Variants in ZBTB7C observed in about 807,000 individuals in gnomAD.
ZBTB7C encodes the protein zinc finger and BTB domain containing 7C.
In ZBTB7C, 8 loss-of-function variants were observed where a neutral mutation model predicts 25.7. The ratio of observed to expected loss-of-function variants is 0.31; its 90% CI spans 0.18 to 0.56. The LOEUF (loss-of-function observed/expected upper bound fraction) is 0.56. Among genes scored for constraint, ZBTB7C ranks in the 20% least tolerant of loss-of-function variants. The probability of loss-of-function intolerance (pLI) is 0.91; values close to 1 mark genes in which losing one functional copy is unlikely to be tolerated. For missense variants in ZBTB7C, 824 were observed against 855.2 expected (o/e 0.96, Z 0.46); for synonymous variants, 394 against 369.0 (o/e 1.07, Z -0.78).
At chr18:48,177,118 C>T (rs534258132) in intron 3 of ZBTB7C, among the ~76,000 whole-genome samples, 1 of 152,242 alleles carries the variant, frequency 6.6e-6, no homozygotes, top group Admixed American at 6.5e-5. Flanking sequence ...GGGCACAGAG[C>T]TGAGAGCTGT....
At position 48,054,347 on chromosome 18, in the gene ZBTB7C, AC is replaced by A. The variant is rs1005195517; in HGVS notation, c.-16-13225del. 9.1e-4 allele frequency among the ~76,000 whole-genome samples: 138 copies of A among 151,892 alleles called. 4 individuals are homozygous for A. Among genetic ancestry groups the A allele is most frequent in the Admixed American group, 9.0e-3 (138 of 15,270 alleles). ...AAGCCGCTCTGCATTATTCACGGCC[AC>A]TCCCCTGCCCTTCTCTACCCCAGAC... On this transcript the variant is annotated intron_variant, in intron 3 of 4. Transcript: ENST00000590800.
chr18:48,291,573 G>A (rs927201767), intron 2 of ZBTB7C, among the ~76,000 whole-genome samples: 2 of 152,076 alleles, frequency 1.3e-5, no homozygotes, highest in African/African-American at 4.8e-5. Context: ...CCCAGGACTC[G>A]GTTGTTATGA....
chr18:48,171,135 CACTTA>C (rs1444221783), intron 3 of ZBTB7C, among the ~76,000 whole-genome samples: 2 of 152,258 alleles, frequency 1.3e-5, no homozygotes, highest in Non-Finnish European at 2.9e-5. Flanking sequence ...CACCAGGTCT[CACTTA>C]ACTCTTTCTC....
At chr18:48,088,734 G>A (rs890815290) in intron 3 of ZBTB7C, among the ~76,000 whole-genome samples, 2 of 152,162 alleles carry the variant, frequency 1.3e-5, no homozygotes, top group South Asian at 2.1e-4. Flanking sequence ...GGAGGCTGAG[G>A]CACGAGAATC....
intron 2 of ZBTB7C, among the ~76,000 whole-genome samples, chr18:48,238,660 T>C (rs541573885): frequency 5.1e-4 from 77 of 152,290 alleles, no homozygotes; most frequent in African/African-American, 1.8e-3. Flanking sequence ...TCTGACTTTA[T>C]CTTACAGGGT....
chr18:48,154,126 G>T (rs2040762632), intron 3 of ZBTB7C, among the ~76,000 whole-genome samples: 1 of 152,238 alleles, frequency 6.6e-6, no homozygotes, highest in Non-Finnish European at 1.5e-5. Flanking sequence ...GCAAGCAGGG[G>T]TTAGGGCTGG....
chr18:48,076,867 G>C, intron 3 of ZBTB7C: 6 of 908,460 alleles, frequency 6.6e-6, no homozygotes, highest in Non-Finnish European at 7.9e-6. Flanking sequence ...CCTGCCCAAA[G>C]CCCGAACCAT....
rs1201018008 is a variant in ZBTB7C at position 48,036,865 on chromosome 18, C to T, written c.1208+3035G>A. On this transcript the variant is annotated intron_variant, in intron 4 of 4. Transcript: ENST00000590800. Reference sequence around the variant, plus strand: ...GAAAGGCTGCAGGGAGCCTTGGCCACAGGGAGAATTACAGGAAAACCTCAA... The same window carrying T: ...GAAAGGCTGCAGGGAGCCTTGGCCATAGGGAGAATTACAGGAAAACCTCAA... Among the ~76,000 whole-genome samples the T allele has an allele frequency of 3.3e-5, 5 of 152,284 alleles. No individual in the cohort carries two copies. The East Asian group carries it at 7.7e-4, about 24-fold the overall frequency.
chr18:48,368,242 CAAA>C (rs780636646), intron 1 of ZBTB7C, among the ~76,000 whole-genome samples: 2 of 95,530 alleles, frequency 2.1e-5, no homozygotes, highest in Admixed American at 1.1e-4. Flanking sequence ...GAAAGCCTAG[CAAA>C]AAAAAAAAAA....
rs376180489 is a variant in ZBTB7C at position 48,040,852 on chromosome 18, C to A, written c.256G>T (p.Ala86Ser). Residue 86 changes from alanine to serine, a missense_variant, in exon 4 of 5, where the codon GCT becomes TCT. Ala to Ser is a moderately conservative substitution (Grantham distance 99, BLOSUM62 1). This residue lies in a region of ZBTB7C where 117 missense variants were observed against 167.7 expected (regional missense o/e 0.70). Coordinates refer to ENST00000590800, the MANE Select transcript of ZBTB7C (RefSeq NM_001318841.2). ...GTGTAGGCGAACTCCAGGATAGCAGCCAGAGCCTCAGGCTGGACAAAGTCG... is the reference window on the plus strand; with the variant it reads ...GTGTAGGCGAACTCCAGGATAGCAGACAGAGCCTCAGGCTGGACAAAGTCG... Reference protein sequence around the residue: ...EIDFVQPEALAAILEFAYTST... With the variant: ...EIDFVQPEALSAILEFAYTST... The A allele has an allele frequency of 6.2e-7, 1 of 1,613,842 alleles. No homozygotes were observed.
intron 1 of ZBTB7C, among the ~76,000 whole-genome samples, chr18:48,388,421 C>T (rs1217716598): frequency 1.3e-5 from 2 of 152,186 alleles, no homozygotes; most frequent in Non-Finnish European, 2.9e-5. Context: ...GACTTCCCCA[C>T]AGCACCTAGC....
intron 1 of ZBTB7C, among the ~76,000 whole-genome samples, chr18:48,368,838 A>C (rs79708573): frequency 0.049 from 3,595 of 73,642 alleles, 48 homozygotes; most frequent in Middle Eastern, 0.16. Flanking sequence ...ACCCTTCTGG[A>C]ATGAAGGGAA....
chr18:48,165,527 A>G (rs1421654862), intron 3 of ZBTB7C: 2 of 208,970 alleles, frequency 9.6e-6, no homozygotes, highest in African/African-American at 4.7e-5. Flanking sequence ...CTGCTGGGAC[A>G]CCTTTGAAGA....
intron 3 of ZBTB7C, among the ~76,000 whole-genome samples, chr18:48,144,680 A>G (rs2040447846): frequency 6.6e-6 from 1 of 152,084 alleles, no homozygotes; most frequent in African/African-American, 2.4e-5. Context: ...TGTGACTTGG[A>G]CAGTCTCAGA....
chr18:48,258,581 A>G (rs1182533150), intron 2 of ZBTB7C, among the ~76,000 whole-genome samples: 1 of 152,238 alleles, frequency 6.6e-6, no homozygotes, highest in Non-Finnish European at 1.5e-5. Context: ...CCATGTTCAT[A>G]GGTTGGAAGA....
intron 2 of ZBTB7C, among the ~76,000 whole-genome samples, chr18:48,227,813 T>G (rs2043143317): frequency 1.3e-5 from 2 of 152,170 alleles, no homozygotes; most frequent in African/African-American, 4.8e-5. Flanking sequence ...TGGAAGGTAT[T>G]ATAATTTTTG....
intron 3 of ZBTB7C, among the ~76,000 whole-genome samples, chr18:48,045,208 A>C (rs892768352): frequency 1.3e-5 from 2 of 152,228 alleles, no homozygotes; most frequent in Non-Finnish European, 2.9e-5. Context: ...CCCTCCAGGC[A>C]GGCTTGGCCA....
intron 1 of ZBTB7C, among the ~76,000 whole-genome samples, chr18:48,362,304 C>T (rs1290790252): frequency 2.0e-5 from 3 of 152,198 alleles, no homozygotes; most frequent in East Asian, 1.9e-4. Flanking sequence ...ATGGTCTGAA[C>T]GTTTGTGTCT....
At chr18:48,256,753 G>C (rs1046931448) in intron 2 of ZBTB7C, among the ~76,000 whole-genome samples, 10 of 151,976 alleles carry the variant, frequency 6.6e-5, no homozygotes, top group African/African-American at 2.4e-4. Flanking sequence ...TGTAAGGTTT[G>C]TATACTATTC....
Sources: gnomAD v4.1 joint callset for allele counts (sites outside exome capture counted in the v4.1 genomes callset) on GRCh38, gnomAD v4.1.1 for gene constraint, gnomAD v4.1.1 regional missense constraint, MANE v1.5 for transcripts, NCBI Gene and HGNC (gene_info 2026-07-23, HGNC 2026-07-21) for gene names.